NHSL1: variants seen among roughly 807,000 people sequenced by gnomAD.
NHSL1 encodes the protein NHS-like protein 1.
In NHSL1, 48 loss-of-function variants were observed where a neutral mutation model predicts 95.0. The observed-to-expected ratio is 0.51, with a 90% CI of 0.40 to 0.64. The LOEUF is 0.64. Ranked by LOEUF, NHSL1 falls within the 30% of genes least tolerant of loss-of-function variation. The probability of loss-of-function intolerance (pLI) is 0.00; values close to 1 mark genes in which losing one functional copy is unlikely to be tolerated. For synonymous variants in NHSL1, 783 were observed against 833.9 expected, an observed-to-expected ratio of 0.94 and a Z score of 1.05; for missense variants, 1,971 against 2,077.7, an observed-to-expected ratio of 0.95 and a Z score of 1.00.
At chr6:138,513,867 G>A (rs993954608) in intron 1 of NHSL1, among the ~76,000 whole-genome samples, 2 of 152,122 alleles carry the variant, frequency 1.3e-5, no homozygotes, top group Non-Finnish European at 2.9e-5. Context: ...CACATGATCT[G>A]GACCATGATA....
chr6:138,594,950 G>C (rs76309427), intron 1 of NHSL1, among the ~76,000 whole-genome samples: 3,974 of 152,074 alleles, frequency 0.026, 167 homozygotes, highest in African/African-American at 0.087. Flanking sequence ...CCCAGACCCT[G>C]TTCCCCAGCA....
intron 3 of NHSL1, among the ~76,000 whole-genome samples, chr6:138,463,880 C>G (rs1460425444): frequency 1.3e-5 from 2 of 152,172 alleles, no homozygotes; most frequent in East Asian, 3.8e-4. Flanking sequence ...TAGAACTCCC[C>G]TTACCATTGT....
At chr6:138,691,113 C>T (rs111297704) in intron 1 of NHSL1, among the ~76,000 whole-genome samples, 3,292 of 152,366 alleles carry the variant, frequency 0.022, 117 homozygotes, top group African/African-American at 0.075. Context: ...TAGACCATGA[C>T]ATCCTACTAG....
At position 138,519,174 on chromosome 6, in the gene NHSL1, G is replaced by GA. The variant is rs746455536; in HGVS notation, c.17-22804dup. Reference sequence around the variant, plus strand: ...AAATAAGCCTCCTCTGAATGACACAGAAAAAAAAAAGCCTTACCATGTGTA... The same window carrying GA: ...AAATAAGCCTCCTCTGAATGACACAGAAAAAAAAAAAGCCTTACCATGTGTA... On this transcript the variant is annotated intron_variant, in intron 1 of 4. Coordinates refer to the NHSL1 transcript ENST00000342260. 7.3e-3 allele frequency among the ~76,000 whole-genome samples: 1,042 copies of GA among 142,028 alleles called. 26 individuals carry two copies. The highest frequency in any genetic ancestry group is 0.051 in the Admixed American group (729 of 14,292). The allele number at this position is 142,028 out of a possible 152,430, so 93.2% of individuals were successfully genotyped here. A position where few individuals can be genotyped will look rare whatever the true frequency, so the allele number is the denominator to read the frequency against.
At chr6:138,538,196 G>A (rs1285497861) in intron 1 of NHSL1, among the ~76,000 whole-genome samples, 2 of 152,100 alleles carry the variant, frequency 1.3e-5, no homozygotes, top group Non-Finnish European at 2.9e-5. Context: ...AGCTTCCTTT[G>A]TCCTCTTAAA....
At chr6:138,520,366 G>A (rs143101033) in intron 1 of NHSL1, among the ~76,000 whole-genome samples, 25 of 131,028 alleles carry the variant, frequency 1.9e-4, no homozygotes, top group African/African-American at 7.1e-4. Flanking sequence ...TTGGCTCACT[G>A]CAACCTCTGC....
intron 5 of NHSL1, among the ~76,000 whole-genome samples, chr6:138,439,222 G>A (rs535685041): frequency 1.4e-4 from 22 of 152,258 alleles, no homozygotes; most frequent in Middle Eastern, 3.4e-3. Context: ...ATCCAAAGCC[G>A]CTGGCAACTT....
At chr6:138,458,622 A>T (rs745601765) in intron 3 of NHSL1, among the ~76,000 whole-genome samples, 1 of 152,042 alleles carries the variant, frequency 6.6e-6, no homozygotes, top group Non-Finnish European at 1.5e-5. Flanking sequence ...AGGTCAGGAG[A>T]TCGAGACCAT....
intron 1 of NHSL1, among the ~76,000 whole-genome samples, chr6:138,535,433 G>A (rs549072713): frequency 3.3e-5 from 5 of 152,192 alleles, no homozygotes; most frequent in African/African-American, 4.8e-5. Context: ...GTATGATGGT[G>A]CATGTCTGTA....
At chr6:138,667,795 G>A (rs1286717303) in intron 1 of NHSL1, among the ~76,000 whole-genome samples, 1 of 152,134 alleles carries the variant, frequency 6.6e-6, no homozygotes, top group African/African-American at 2.4e-5. Context: ...ATGTAGACAG[G>A]AGAATATCAA....
chr6:138,485,070 G>A (rs775398628), intron 2 of NHSL1, among the ~76,000 whole-genome samples: 1 of 152,142 alleles, frequency 6.6e-6, no homozygotes, highest in African/African-American at 2.4e-5. Context: ...AATTGGAGGC[G>A]ATCTCATTTC....
intron 2 of NHSL1, among the ~76,000 whole-genome samples, chr6:138,479,127 T>C (rs1448428497): frequency 1.3e-5 from 2 of 152,174 alleles, no homozygotes; most frequent in Non-Finnish European, 2.9e-5. Context: ...ATCCTATCTA[T>C]TGCTATGTTT....
intron 1 of NHSL1, among the ~76,000 whole-genome samples, chr6:138,594,178 T>C (rs1346675891): frequency 6.6e-6 from 1 of 152,202 alleles, no homozygotes; most frequent in African/African-American, 2.4e-5. Context: ...TGCACTACAC[T>C]GATTCAGCAG....
intron 1 of NHSL1, among the ~76,000 whole-genome samples, chr6:138,561,599 C>G (rs1330277823): frequency 6.6e-6 from 1 of 152,220 alleles, no homozygotes; most frequent in Non-Finnish European, 1.5e-5. Flanking sequence ...GGTCTCTCCT[C>G]AGTGTGAGTT....
chr6:138,677,799 G>T, intron 1 of NHSL1, among the ~76,000 whole-genome samples: 1 of 152,162 alleles, frequency 6.6e-6, no homozygotes. Context: ...TTTAGGTCAC[G>T]TCTGCTGGGC....
intron 1 of NHSL1, among the ~76,000 whole-genome samples, chr6:138,631,316 G>A (rs936889736): frequency 3.3e-5 from 5 of 152,132 alleles, no homozygotes; most frequent in East Asian, 1.9e-4. Flanking sequence ...TAGGCAAGTC[G>A]TGCTGGACTA....
At position 138,447,009 on chromosome 6, in the gene NHSL1, T is replaced by C. The variant is rs957304283; in HGVS notation, c.524A>G (p.Asn175Ser). ...QTVQADVVPI[N>S]ITGENFDRQA... ...TGGCTAGCAAAGCGTACCAGTTATG[T>C]TAATAGGCACCACGTCAGCCTGGAC... Residue 175 changes from asparagine to serine, a missense_variant, in exon 4 of 8, where the codon AAC becomes AGC. By Grantham distance (46) the Asn-to-Ser change is conservative. Transcript: ENST00000343505. 8 of 1,551,628 alleles carry C rather than the reference T, an allele frequency of 5.2e-6. No homozygotes were observed. The highest frequency in any genetic ancestry group is 7.0e-6 in the Non-Finnish European group (8 of 1,146,918).
At chr6:138,453,751 T>C (rs61486901) in intron 3 of NHSL1, among the ~76,000 whole-genome samples, 20,190 of 151,626 alleles carry the variant, frequency 0.13, 1,360 homozygotes, top group Middle Eastern at 0.17. Context: ...GTCCTGCACA[T>C]TGCCCAGGCT....
At chr6:138,652,772 T>C (rs1455016033) in intron 1 of NHSL1, among the ~76,000 whole-genome samples, 1 of 152,240 alleles carries the variant, frequency 6.6e-6, no homozygotes, top group Non-Finnish European at 1.5e-5. Flanking sequence ...AAGGCTATTG[T>C]TTATGCACAA....
Sources: gnomAD v4.1 joint callset for allele counts (sites outside exome capture counted in the v4.1 genomes callset) on GRCh38, gnomAD v4.1.1 for gene constraint, MANE v1.5 for transcripts, NCBI Gene and HGNC (gene_info 2026-07-23, HGNC 2026-07-21) for gene names.